Variants in PLEKHH2 observed in about 807,000 individuals in gnomAD.
PLEKHH2 encodes the protein pleckstrin homology domain-containing family H member 2.
A neutral mutation model predicts 187.9 loss-of-function variants in PLEKHH2; 129 were observed. The observed-to-expected ratio is 0.69, with a 90% CI of 0.59 to 0.79. The LOEUF (loss-of-function observed/expected upper bound fraction) is 0.79. Ranked by LOEUF, PLEKHH2 falls within the 30% of genes least tolerant of loss-of-function variation. The probability of loss-of-function intolerance (pLI) is 0.00; values close to 1 mark genes in which losing one functional copy is unlikely to be tolerated. For synonymous variants in PLEKHH2, 686 were observed against 605.6 expected, an observed-to-expected ratio of 1.13 and a Z score of -1.95; for missense variants, 2,076 against 1,751.2, an observed-to-expected ratio of 1.19 and a Z score of -3.31.
intron 2 of PLEKHH2, among the ~76,000 whole-genome samples, chr2:43,645,074 T>C (rs1666122586): frequency 6.6e-6 from 1 of 152,132 alleles, no homozygotes; most frequent in Admixed American, 6.6e-5. Flanking sequence ...TTTGATTTTA[T>C]TAGAGGAGTA....
chr2:43,760,645 G>A (rs1234139939), intron 27 of PLEKHH2, among the ~76,000 whole-genome samples: 2 of 152,170 alleles, frequency 1.3e-5, no homozygotes, highest in Admixed American at 6.5e-5. Context: ...TTACAGGCGT[G>A]AGCCACCGCA....
chr2:43,671,716 A>G (rs1231039659), intron 2 of PLEKHH2, among the ~76,000 whole-genome samples: 1 of 152,158 alleles, frequency 6.6e-6, no homozygotes. Flanking sequence ...TCGAAATGAT[A>G]TTTCTTTTCT....
At chr2:43,673,329 C>T (rs1173126301) in intron 2 of PLEKHH2, among the ~76,000 whole-genome samples, 1 of 152,114 alleles carries the variant, frequency 6.6e-6, no homozygotes, top group African/African-American at 2.4e-5. Flanking sequence ...TTAGATAATC[C>T]TGTTTTTGGA....
rs1668003525 is a variant in PLEKHH2, at chr2:43,678,737, A to AGTGGAGGTGGAAGTGGAGGTGGAG, written c.124-115_124-114insAGTGGAGGTGGAGGTGGAGGTGGA. 6 of 412,304 alleles carry AGTGGAGGTGGAAGTGGAGGTGGAG rather than the reference A, an allele frequency of 1.5e-5. No individual in the cohort carries two copies. The South Asian group carries it at 1.7e-4, about 11-fold the overall frequency. The allele number at this position is 412,304 out of a possible 1,614,324, so 25.5% of individuals were successfully genotyped here. The stretch of plus-strand genomic sequence containing the variant: ...GAGGGAGACCGTGGGTAGAGGTGGA[A>AGTGGAGGTGGAAGTGGAGGTGGAG]GTGGAGGTGGAGGTGGAGGTGGAGG... On this transcript the variant is annotated intron_variant, in intron 2 of 29. Coordinates refer to ENST00000282406, the MANE Select transcript of PLEKHH2 (RefSeq NM_172069.4).
intron 8 of PLEKHH2, among the ~76,000 whole-genome samples, chr2:43,701,483 C>G (rs958048522): frequency 6.6e-6 from 1 of 152,070 alleles, no homozygotes; most frequent in Non-Finnish European, 1.5e-5. Context: ...GAAGGGTTCC[C>G]CCTAACTGTG....
In PLEKHH2 at chr2:43,705,251, C is replaced by CTTTTTTTT. The variant is rs5830767; in HGVS notation, c.1727-1056_1727-1049dup. ...TTCTTTCCATTCAGGAAATTTTATC[C>CTTTTTTTT]TTTTTTTTTTTTTTTTTTTTTTGAG... On this transcript the variant is annotated intron_variant, in intron 9 of 29. Coordinates refer to ENST00000282406, the MANE Select transcript of PLEKHH2 (RefSeq NM_172069.4). Among the ~76,000 whole-genome samples, 393 of 95,812 alleles carry CTTTTTTTT rather than the reference C, an allele frequency of 4.1e-3. 7 individuals carry two copies. Among genetic ancestry groups the CTTTTTTTT allele is most frequent in the Non-Finnish European group, 5.0e-3 (256 of 51,478 alleles). 62.9% of individuals were successfully genotyped at this position (95,812 alleles called of 152,430 possible). A position where few individuals can be genotyped will look rare whatever the true frequency, so the allele number is the denominator to read the frequency against.
chr2:43,672,253 G>T (rs936359052), intron 2 of PLEKHH2, among the ~76,000 whole-genome samples: 10 of 152,194 alleles, frequency 6.6e-5, no homozygotes, highest in African/African-American at 2.2e-4. Context: ...TTGATAATTT[G>T]TGTCTTTTTT....
At chr2:43,711,716 C>A in intron 14 of PLEKHH2, 1 of 452,634 alleles carries the variant, frequency 2.2e-6, no homozygotes, top group South Asian at 9.2e-5. Flanking sequence ...ACGGTGAAAC[C>A]CCGTCTCTAC....
At chr2:43,711,873 G>A (rs1175264694) in intron 14 of PLEKHH2, 8 of 903,980 alleles carry the variant, frequency 8.8e-6, no homozygotes, top group Middle Eastern at 5.3e-4. Flanking sequence ...CAGCCTGGGC[G>A]ACAGAAAGAG....
At position 43,674,352 on chromosome 2, in the gene PLEKHH2, T is replaced by G. The variant is rs13407750; in HGVS notation, c.124-4511T>G. 9.3e-3 allele frequency among the ~76,000 whole-genome samples: 1,410 copies of G among 152,292 alleles called. 27 individuals carry two copies. The highest frequency in any genetic ancestry group is 0.033 in the African/African-American group (1,353 of 41,552). On this transcript the variant is annotated intron_variant, in intron 2 of 29. Transcript: ENST00000282406. ...AAACCAAATTTCCCTGAAAATAGAA[T>G]ATAGTTATATTGTAGAAGTGACAAT... is the stretch of plus-strand genomic sequence containing the variant.
chr2:43,728,413 G>A (rs1165057629), intron 17 of PLEKHH2, among the ~76,000 whole-genome samples: 1 of 149,012 alleles, frequency 6.7e-6, no homozygotes, highest in African/African-American at 2.5e-5. Context: ...TGGAGGCAGA[G>A]GTTGCAGTGA....
intron 21 of PLEKHH2, among the ~76,000 whole-genome samples, chr2:43,741,863 T>A (rs1671580156): frequency 6.6e-6 from 1 of 152,214 alleles, no homozygotes; most frequent in Non-Finnish European, 1.5e-5. Context: ...AATTTATGTA[T>A]AACAAACAAG....
At position 43,765,863 on chromosome 2, in the gene PLEKHH2, C is replaced by G. The variant is rs1307020737; in HGVS notation, c.*265C>G. On this transcript the variant is annotated 3_prime_UTR_variant, in exon 30 of 30. Coordinates refer to ENST00000282406, the MANE Select transcript of PLEKHH2 (RefSeq NM_172069.4). ...CATCATTTTTTCCATCTCCCTTCTC[C>G]CTTGTCATCAGACACATTGTGCAAT... The G allele has an allele frequency of 2.9e-6, 1 of 345,588 alleles. No individual in the cohort carries two copies. The highest frequency in any genetic ancestry group is 2.1e-5 in the African/African-American group (1 of 47,504). The allele number at this position is 345,588 out of a possible 1,614,324, so 21.4% of individuals were successfully genotyped here. A position where few individuals can be genotyped will look rare whatever the true frequency, so the allele number is the denominator to read the frequency against.
intron 24 of PLEKHH2, among the ~76,000 whole-genome samples, chr2:43,748,726 C>G (rs752471812): frequency 6.6e-6 from 1 of 151,980 alleles, no homozygotes; most frequent in Non-Finnish European, 1.5e-5. Context: ...ACCTGGCCTG[C>G]CAAAGACATT....
intron 3 of PLEKHH2, among the ~76,000 whole-genome samples, chr2:43,685,589 A>G (rs1384814347): frequency 6.8e-6 from 1 of 146,908 alleles, no homozygotes; most frequent in Non-Finnish European, 1.5e-5. Flanking sequence ...CACCACACCC[A>G]GTTAATGTTT....
chr2:43,707,486 C>T lies in PLEKHH2; in HGVS notation c.1907C>T (p.Thr636Met), dbSNP rs148981197. The T allele has an allele frequency of 4.2e-5, 68 of 1,614,006 alleles. No homozygotes were observed. The African/African-American group carries it at 4.9e-4, about 12-fold the overall frequency. The change falls in exon 11 of 30, where the codon ACG (threonine) becomes ATG (methionine). Residue 636 changes from threonine (T) to methionine (M), a missense_variant. Thr to Met is a moderately conservative substitution (Grantham distance 81). Transcript: ENST00000282406. ...EEDSSRSSSR[T>M]SESDSRSRSG... ...GACAGCTCCAGATCCAGCTCCCGGA[C>T]GTCAGAGTCAGACTCACGCAGTAGG...
intron 4 of PLEKHH2, among the ~76,000 whole-genome samples, chr2:43,693,638 G>A (rs900876568): frequency 2.0e-5 from 3 of 149,978 alleles, no homozygotes; most frequent in Non-Finnish European, 3.0e-5. Flanking sequence ...GCAGGAGAGC[G>A]GCGTGAACCC....
At chr2:43,754,205 C>CAAAAAA (rs148172112) in intron 25 of PLEKHH2, among the ~76,000 whole-genome samples, 29 of 143,180 alleles carry the variant, frequency 2.0e-4, no homozygotes, top group African/African-American at 7.7e-4. Flanking sequence ...CACACACACA[C>CAAAAAA]AAAATTAATA....
chr2:43,708,885 A>G (rs1669803602), intron 11 of PLEKHH2, among the ~76,000 whole-genome samples: 2 of 152,234 alleles, frequency 1.3e-5, no homozygotes, highest in Non-Finnish European at 2.9e-5. Flanking sequence ...AAAAATGAAG[A>G]TATTATAGCA....
Sources: gnomAD v4.1 joint callset for allele counts (sites outside exome capture counted in the v4.1 genomes callset) on GRCh38, gnomAD v4.1.1 for gene constraint, MANE v1.5 for transcripts, NCBI Gene and HGNC (gene_info 2026-07-23, HGNC 2026-07-21) for gene names.